The following CNOT10 variants were observed in gnomAD, a reference collection of about 807,000 sequenced individuals.
CNOT10 encodes CCR4-NOT transcription complex subunit 10.
Under a neutral mutation model 94.6 loss-of-function variants are expected in CNOT10, and 30 were observed. The observed-to-expected ratio is 0.32, with a 90% CI of 0.24 to 0.43. CNOT10 has a LOEUF of 0.43. Ranked by LOEUF, CNOT10 falls within the 20% of genes least tolerant of loss-of-function variation. The pLI, the probability that CNOT10 is intolerant of heterozygous loss-of-function variation, is 1.00. For missense variants in CNOT10, 759 were observed against 877.2 expected (o/e 0.87, Z 1.70); for synonymous variants, 289 against 301.6 (o/e 0.96, Z 0.43).
At chr3:32,755,399 A>G (rs1379009935) in intron 13 of CNOT10, among the ~76,000 whole-genome samples, 1 of 147,442 alleles carries the variant, frequency 6.8e-6, no homozygotes, top group Non-Finnish European at 1.5e-5. Flanking sequence ...GCTCACTGCA[A>G]CCTTTGCCTC....
chr3:32,685,424 G>T lies in CNOT10; in HGVS notation c.-37G>T. ...GCCCGGCGGCGGGAGTCAGGGCCAC[G>T]CCACCTGCAGGGAAGAACCCGAGTC... is the stretch of plus-strand genomic sequence containing the variant. On this transcript the variant is annotated 5_prime_UTR_variant, in exon 1 of 19. Transcript: ENST00000328834. The T allele has an allele frequency of 6.5e-7, 1 of 1,549,842 alleles. No individual in the cohort carries two copies. The highest frequency in any genetic ancestry group is 1.2e-5 in the South Asian group (1 of 84,028).
At position 32,737,523 on chromosome 3, in the gene CNOT10, A is replaced by G. The variant is rs190875262; in HGVS notation, c.1595+33A>G. 6 of 1,353,876 alleles carry G rather than the reference A, an allele frequency of 4.4e-6. No homozygotes were observed. In the East Asian group the frequency reaches 6.9e-5, roughly 16 times the overall value. 83.9% of individuals were successfully genotyped at this position (1,353,876 alleles called of 1,614,324 possible). Reference sequence around the variant, plus strand: ...TCTAAACAAAATTAGCATTGCATCTATTGAAATGAACATATTCATGGCTGG... The same window carrying G: ...TCTAAACAAAATTAGCATTGCATCTGTTGAAATGAACATATTCATGGCTGG... On this transcript the variant is annotated intron_variant, in intron 13 of 18. Coordinates refer to ENST00000328834, the MANE Select transcript of CNOT10 (RefSeq NM_015442.3).
chr3:32,735,505 C>A (rs1699148772), intron 12 of CNOT10, among the ~76,000 whole-genome samples: 1 of 152,048 alleles, frequency 6.6e-6, no homozygotes, highest in Non-Finnish European at 1.5e-5. Flanking sequence ...GTTAGGAGTT[C>A]AAGACCAGCT....
chr3:32,699,426 C>T (rs767383406), intron 1 of CNOT10, among the ~76,000 whole-genome samples: 15 of 152,026 alleles, frequency 9.9e-5, no homozygotes, highest in East Asian at 3.9e-4. Context: ...TTAGTATTAT[C>T]GTTTTAATTT....
intron 1 of CNOT10, among the ~76,000 whole-genome samples, chr3:32,685,927 T>C (rs1696576538): frequency 6.6e-6 from 1 of 151,866 alleles, no homozygotes; most frequent in African/African-American, 2.4e-5. Context: ...GAAATTAACT[T>C]TGTAAAAACC....
intron 13 of CNOT10, among the ~76,000 whole-genome samples, chr3:32,741,125 C>A (rs961551720): frequency 6.6e-6 from 1 of 152,066 alleles, no homozygotes; most frequent in African/African-American, 2.4e-5. Context: ...TTTTTAATTT[C>A]TATAATTTTG....
In CNOT10 at chr3:32,736,205, C is replaced by A. The variant is rs567767412; in HGVS notation, c.1515-1205C>A. Among the ~76,000 whole-genome samples, 246 of 152,262 alleles carry A rather than the reference C, an allele frequency of 1.6e-3. 1 individual carries two copies. The highest frequency in any genetic ancestry group is 5.8e-3 in the African/African-American group (239 of 41,558). On this transcript the variant is annotated intron_variant, in intron 12 of 18. Transcript: ENST00000328834. Reference sequence around the variant, plus strand: ...GGCTCAAGCGATTCTCCTGCCTCAACCCCCTAAATAGCTGGGATTATAGGC... The same window carrying A: ...GGCTCAAGCGATTCTCCTGCCTCAAACCCCTAAATAGCTGGGATTATAGGC...
intron 17 of CNOT10, among the ~76,000 whole-genome samples, chr3:32,766,091 C>T (rs1172109153): frequency 2.2e-5 from 1 of 44,688 alleles, no homozygotes; most frequent in African/African-American, 7.1e-5. Flanking sequence ...CTGCAACCTC[C>T]GCCTCCCGGG....
At chr3:32,707,521 C>T (rs1291541862) in intron 3 of CNOT10, among the ~76,000 whole-genome samples, 2 of 152,104 alleles carry the variant, frequency 1.3e-5, no homozygotes, top group Admixed American at 6.6e-5. Context: ...TCTATGTCCT[C>T]GGCCAGGTGC....
At chr3:32,712,139 G>T (rs1386712283) in intron 4 of CNOT10, among the ~76,000 whole-genome samples, 6 of 148,804 alleles carry the variant, frequency 4.0e-5, no homozygotes, top group African/African-American at 1.5e-4. Flanking sequence ...TGCTGCTTTT[G>T]CTTCTGTAAT....
intron 4 of CNOT10, among the ~76,000 whole-genome samples, chr3:32,710,742 A>G (rs1697847170): frequency 6.6e-6 from 1 of 151,876 alleles, no homozygotes; most frequent in South Asian, 2.1e-4. Flanking sequence ...TCTTTTTGAG[A>G]TGGGGTCTCT....
chr3:32,759,071 C>G (rs899886492), intron 13 of CNOT10, among the ~76,000 whole-genome samples: 1 of 151,740 alleles, frequency 6.6e-6, no homozygotes, highest in Admixed American at 6.6e-5. Flanking sequence ...TAGCTTTATT[C>G]CTAGGTTATT....
At chr3:32,694,660 G>A (rs745511972) in intron 1 of CNOT10, among the ~76,000 whole-genome samples, 1 of 152,028 alleles carries the variant, frequency 6.6e-6, no homozygotes, top group Non-Finnish European at 1.5e-5. Context: ...CATGATCTCG[G>A]GTCACTGCAA....
At chr3:32,693,948 A>G (rs1696951317) in intron 1 of CNOT10, among the ~76,000 whole-genome samples, 1 of 152,146 alleles carries the variant, frequency 6.6e-6, no homozygotes, top group Non-Finnish European at 1.5e-5. Flanking sequence ...TATTTTGTGG[A>G]CATTAGAGAG....
chr3:32,720,353 T>A (rs1698314151), intron 8 of CNOT10, 122 bp downstream of exon 8: 1 of 458,876 alleles, frequency 2.2e-6, no homozygotes, highest in South Asian at 6.7e-5. Flanking sequence ...TGAAAATGTT[T>A]TAATATTTCT....
At chr3:32,768,498 G>A (rs893744190) in intron 17 of CNOT10, among the ~76,000 whole-genome samples, 11 of 152,010 alleles carry the variant, frequency 7.2e-5, no homozygotes, top group Admixed American at 5.9e-4. Flanking sequence ...CAGAAGAATC[G>A]CTTGAACCCA....
intron 13 of CNOT10, among the ~76,000 whole-genome samples, chr3:32,740,065 C>G (rs1309925476): frequency 3.9e-5 from 6 of 152,128 alleles, no homozygotes; most frequent in Admixed American, 3.3e-4. Context: ...CCATCAAACT[C>G]CAGCAAGGAT....
intron 1 of CNOT10, among the ~76,000 whole-genome samples, chr3:32,700,006 T>C (rs1640892038): frequency 6.6e-6 from 1 of 150,698 alleles, no homozygotes; most frequent in Admixed American, 6.6e-5. Context: ...GATGAAGTCT[T>C]GCTCTGTCAC....
chr3:32,772,447 G>A (rs1700953526), intron 18 of CNOT10, among the ~76,000 whole-genome samples: 1 of 152,208 alleles, frequency 6.6e-6, no homozygotes, highest in African/African-American at 2.4e-5. Context: ...AAGAGTTCAA[G>A]GCTATAGTGT....
Sources: gnomAD v4.1 joint callset for allele counts (sites outside exome capture counted in the v4.1 genomes callset) on GRCh38, gnomAD v4.1.1 for gene constraint, MANE v1.5 for transcripts, NCBI Gene and HGNC (gene_info 2026-07-23, HGNC 2026-07-21) for gene names.